The following SDK1 variants were observed in gnomAD, a reference collection of about 807,000 sequenced individuals.
The protein encoded by SDK1 is sidekick cell adhesion molecule 1.
SDK1 carries 157 observed loss-of-function variants against 245.5 expected under a neutral mutation model. That is an observed-to-expected ratio of 0.64 (90% confidence interval 0.56 to 0.73). The LOEUF (loss-of-function observed/expected upper bound fraction) is 0.73, where lower values mean the gene tolerates loss of function less well. Among genes scored for constraint, SDK1 ranks in the 30% least tolerant of loss-of-function variants. The pLI, the probability that SDK1 is intolerant of heterozygous loss-of-function variation, is 0.00. For synonymous variants in SDK1, 1,647 were observed against 1,278.5 expected (o/e 1.29, Z -6.15); for missense variants, 3,583 against 3,002.3 (o/e 1.19, Z -4.52).
At chr7:3,581,108 A>C (rs1320452065) in intron 1 of SDK1, among the ~76,000 whole-genome samples, 1 of 152,140 alleles carries the variant, frequency 6.6e-6, no homozygotes, top group African/African-American at 2.4e-5. Flanking sequence ...AAAGTTGACA[A>C]ATGGGATCTA....
At chr7:3,925,533 A>G (rs899471018) in intron 5 of SDK1, among the ~76,000 whole-genome samples, 1 of 152,208 alleles carries the variant, frequency 6.6e-6, no homozygotes, top group African/African-American at 2.4e-5. Flanking sequence ...GAGTGGAGAC[A>G]GATGAACGCA....
chr7:4,215,351 C>T (rs1352152253), intron 38 of SDK1, among the ~76,000 whole-genome samples: 1 of 152,160 alleles, frequency 6.6e-6, no homozygotes, highest in East Asian at 1.9e-4. Flanking sequence ...TGGGCGGAGT[C>T]CCCCTACACC....
At chr7:3,486,294 T>G (rs2128603712) in intron 1 of SDK1, among the ~76,000 whole-genome samples, 1 of 152,194 alleles carries the variant, frequency 6.6e-6, no homozygotes, top group East Asian at 1.9e-4. Context: ...GTACTTTATT[T>G]GGATCTTCTT....
At chr7:3,542,834 C>G (rs1490900920) in intron 1 of SDK1, among the ~76,000 whole-genome samples, 1 of 152,074 alleles carries the variant, frequency 6.6e-6, no homozygotes, top group African/African-American at 2.4e-5. Flanking sequence ...GAAAAAACAT[C>G]AAAGACAAAG....
chr7:3,757,074 T>C (rs547445765), intron 4 of SDK1, among the ~76,000 whole-genome samples: 1 of 152,256 alleles, frequency 6.6e-6, no homozygotes, highest in South Asian at 2.1e-4. Flanking sequence ...ACCAACTGGG[T>C]GTCCTGCAAT....
At chr7:3,453,202 G>C (rs73294809) in intron 1 of SDK1, among the ~76,000 whole-genome samples, 2,797 of 152,260 alleles carry the variant, frequency 0.018, 99 homozygotes, top group African/African-American at 0.064. Context: ...AGCAGAGCCA[G>C]TGCCTTGCAC....
At chr7:3,310,129 C>G (rs559932096) in intron 1 of SDK1, among the ~76,000 whole-genome samples, 1 of 152,308 alleles carries the variant, frequency 6.6e-6, no homozygotes, top group Admixed American at 6.5e-5. Flanking sequence ...TCTGTGCTGG[C>G]ATCATTCTGG....
chr7:3,980,131 G>C (rs537812572), intron 13 of SDK1, among the ~76,000 whole-genome samples: 24 of 152,314 alleles, frequency 1.6e-4, no homozygotes, highest in African/African-American at 5.8e-4. Context: ...GTGCATTAAA[G>C]GGCCAATGCT....
chr7:4,076,469 T>C (rs1780685794), intron 20 of SDK1, among the ~76,000 whole-genome samples: 1 of 152,132 alleles, frequency 6.6e-6, no homozygotes, highest in African/African-American at 2.4e-5. Flanking sequence ...GGTGGGAGGA[T>C]GGATTGAGCC....
At chr7:3,803,315 C>CTTT (rs60469408) in intron 4 of SDK1, among the ~76,000 whole-genome samples, 139 of 119,866 alleles carry the variant, frequency 1.2e-3, no homozygotes, top group African/African-American at 3.5e-3. Flanking sequence ...TTCTTTCTTT[C>CTTT]TTTTTTTTTT....
chr7:4,259,694 A>C lies in SDK1; in HGVS notation c.6382-5430A>C, dbSNP rs143828719. 3.9e-5 allele frequency among the ~76,000 whole-genome samples: 6 copies of C among 152,300 alleles called. No homozygotes were observed. The East Asian group carries it at 9.7e-4, about 25-fold the overall frequency. ...TAGGGGTAAGCTGCCAGGTTAGCTC[A>C]AGTCAGCTCAGCCTTCGCCACCAAA... On this transcript the variant is annotated intron_variant, in intron 44 of 44. Coordinates refer to ENST00000404826, the MANE Select transcript of SDK1 (RefSeq NM_152744.4).
intron 41 of SDK1, among the ~76,000 whole-genome samples, chr7:4,235,954 T>C (rs1786137937): frequency 6.6e-6 from 1 of 152,122 alleles, no homozygotes; most frequent in African/African-American, 2.4e-5. Flanking sequence ...AGTTGCCCGG[T>C]GGTGTAAGTG....
chr7:3,357,328 G>GTTTTTTTTTTTTTTTTTTTTTT lies in SDK1; in HGVS notation c.298+55462_298+55483dup, dbSNP rs560124026. On this transcript the variant is annotated intron_variant, in intron 1 of 44. Coordinates refer to ENST00000404826, the MANE Select transcript of SDK1 (RefSeq NM_152744.4). Reference sequence around the variant, plus strand: ...TTACTCTTGCTCCCCTTCTTTTAGTGTTTTTTTTTTTTTTTTTTTTTTTTT... The same window carrying GTTTTTTTTTTTTTTTTTTTTTT: ...TTACTCTTGCTCCCCTTCTTTTAGTGTTTTTTTTTTTTTTTTTTTTTTTTTTTTTTTTTTTTTTTTTTTTTTT... 1.1e-4 allele frequency among the ~76,000 whole-genome samples: 6 copies of GTTTTTTTTTTTTTTTTTTTTTT among 52,944 alleles called. 2 individuals carry two copies. Among genetic ancestry groups the GTTTTTTTTTTTTTTTTTTTTTT allele is most frequent in the Non-Finnish European group, 1.4e-4 (4 of 28,314 alleles). The allele number at this position is 52,944 out of a possible 152,430, so 34.7% of individuals were successfully genotyped here.
At chr7:3,609,867 A>G (rs895957496) in intron 1 of SDK1, among the ~76,000 whole-genome samples, 1 of 151,610 alleles carries the variant, frequency 6.6e-6, no homozygotes, top group African/African-American at 2.4e-5. Flanking sequence ...TGCCCAGCTA[A>G]TTTTTGTGTT....
intron 22 of SDK1, among the ~76,000 whole-genome samples, chr7:4,097,147 C>G (rs1031371546): frequency 7.9e-5 from 12 of 152,360 alleles, no homozygotes; most frequent in African/African-American, 2.6e-4. Context: ...CAGCCCATCT[C>G]TGCAGAGGCA....
chr7:3,362,944 C>T (rs1780992658), intron 1 of SDK1, among the ~76,000 whole-genome samples: 1 of 152,172 alleles, frequency 6.6e-6, no homozygotes, highest in Non-Finnish European at 1.5e-5. Context: ...ACTGTAGATT[C>T]ACAAGCGGTT....
intron 7 of SDK1, among the ~76,000 whole-genome samples, chr7:3,956,792 C>T (rs1220068485): frequency 6.6e-6 from 1 of 152,148 alleles, no homozygotes. Flanking sequence ...TGGAGAGGAG[C>T]AGCATCGTCT....
chr7:4,230,357 G>A (rs1224445176), intron 40 of SDK1, among the ~76,000 whole-genome samples: 2 of 140,066 alleles, frequency 1.4e-5, no homozygotes, highest in East Asian at 5.0e-4. Context: ...TGGATGCCTG[G>A]ATGGATAGAT....
rs184847086 is a variant in SDK1, at chr7:4,041,000, T to A, written c.2603-8348T>A. Among the ~76,000 whole-genome samples the A allele has an allele frequency of 4.9e-4, 75 of 152,372 alleles. 1 individual carries two copies. The highest frequency in any genetic ancestry group is 3.0e-3 in the Admixed American group (46 of 15,304). On this transcript the variant is annotated intron_variant, in intron 17 of 44. Transcript: ENST00000404826. ...AAAAGAAATGATTTGGGAGCTGTTT[T>A]CTGTTAAAAGGGAAGCCTTGCCAAA...
Sources: gnomAD v4.1 joint callset for allele counts (sites outside exome capture counted in the v4.1 genomes callset) on GRCh38, gnomAD v4.1.1 for gene constraint, MANE v1.5 for transcripts, NCBI Gene and HGNC (gene_info 2026-07-23, HGNC 2026-07-21) for gene names.